Variants in FTCDNL1 observed in about 807,000 individuals in gnomAD.
FTCDNL1 encodes the protein formiminotransferase N-terminal subdomain-containing protein.
In FTCDNL1, 11 loss-of-function variants were observed where a neutral mutation model predicts 5.9. The observed-to-expected ratio is 1.87, with a 90% CI of 1.18 to 3.10. FTCDNL1 has a LOEUF of 3.10. FTCDNL1 is among the 30% of genes most tolerant of loss of function. The pLI, the probability that FTCDNL1 is intolerant of heterozygous loss-of-function variation, is 0.00. For missense variants in FTCDNL1, 115 were observed against 65.5 expected, an observed-to-expected ratio of 1.76 and a Z score of -2.61; for synonymous variants, 58 against 24.8, an observed-to-expected ratio of 2.34 and a Z score of -3.99.
chr2:199,723,012 T>C, the FTCDNL1 span, among the ~76,000 whole-genome samples: 1 of 152,102 alleles, frequency 6.6e-6, no homozygotes, highest in South Asian at 2.1e-4. Flanking sequence ...GTTTGTTACA[T>C]AGGTAAATGT....
chr2:199,703,802 G>A, the FTCDNL1 span, among the ~76,000 whole-genome samples: 2 of 151,974 alleles, frequency 1.3e-5, no homozygotes, highest in Non-Finnish European at 2.9e-5. Context: ...TCTTATTATT[G>A]TATGTATTTA....
the FTCDNL1 span, among the ~76,000 whole-genome samples, chr2:199,711,373 G>A: frequency 8.4e-5 from 12 of 143,434 alleles, no homozygotes; most frequent in East Asian, 2.2e-4. Context: ...TGAGGGGGCG[G>A]GGGGGGGATT....
chr2:199,831,585 A>T (rs1437246841), intron 3 of FTCDNL1, among the ~76,000 whole-genome samples: 1 of 152,214 alleles, frequency 6.6e-6, no homozygotes, highest in African/African-American at 2.4e-5. Flanking sequence ...TAATACAAAC[A>T]TACACAAGCA....
chr2:199,719,267 A>C, the FTCDNL1 span, among the ~76,000 whole-genome samples: 1 of 152,002 alleles, frequency 6.6e-6, no homozygotes, highest in Non-Finnish European at 1.5e-5. Context: ...TGGCAATCCA[A>C]TTTTCCCAGC....
At chr2:199,758,740 G>T (rs2106237456), downstream of FTCDNL1, among the ~76,000 whole-genome samples, 1 of 152,272 alleles carries the variant, frequency 6.6e-6, no homozygotes, top group East Asian at 1.9e-4. Context: ...TAGGAAATGG[G>T]GTAGGGGTTT....
the FTCDNL1 span, among the ~76,000 whole-genome samples, chr2:199,705,799 A>T: frequency 5.3e-5 from 8 of 152,208 alleles, no homozygotes; most frequent in African/African-American, 1.7e-4. Flanking sequence ...AGATGCACAA[A>T]AGATGTACTT....
intron 1 of FTCDNL1, among the ~76,000 whole-genome samples, chr2:199,850,444 C>T (rs1574718017): frequency 6.6e-6 from 1 of 152,232 alleles, no homozygotes; most frequent in African/African-American, 2.4e-5. Context: ...TTCATCCTCT[C>T]ATTCCACATT....
At chr2:199,672,185 C>T in the FTCDNL1 span, among the ~76,000 whole-genome samples, 3 of 152,186 alleles carry the variant, frequency 2.0e-5, no homozygotes, top group South Asian at 2.1e-4. Context: ...ATCCGTCTTC[C>T]TCCCAGGCAG....
intron 1 of FTCDNL1, among the ~76,000 whole-genome samples, chr2:199,850,157 C>A (rs2076837326): frequency 6.6e-6 from 1 of 152,216 alleles, no homozygotes; most frequent in Admixed American, 6.5e-5. Flanking sequence ...GTTTTCATAT[C>A]ATGTCCATCA....
At chr2:199,842,482 T>A (rs941318287) in intron 3 of FTCDNL1, among the ~76,000 whole-genome samples, 2 of 152,100 alleles carry the variant, frequency 1.3e-5, no homozygotes, top group African/African-American at 4.8e-5. Flanking sequence ...CAAACTAAAA[T>A]GATATGCAAA....
chr2:199,742,103 A>AT, the FTCDNL1 span, among the ~76,000 whole-genome samples: 22 of 150,988 alleles, frequency 1.5e-4, no homozygotes, highest in African/African-American at 5.4e-4. Context: ...CTCTGCCTCA[A>AT]TTTTTTTTTT....
the FTCDNL1 span, among the ~76,000 whole-genome samples, chr2:199,729,572 A>T: frequency 6.6e-6 from 1 of 152,242 alleles, no homozygotes; most frequent in African/African-American, 2.4e-5. Flanking sequence ...ACAAACAGAG[A>T]GCCAAATAAT....
chr2:199,746,664 C>T, the FTCDNL1 span, among the ~76,000 whole-genome samples: 1 of 151,546 alleles, frequency 6.6e-6, no homozygotes, highest in Admixed American at 6.6e-5. Flanking sequence ...GGGCTCAGGT[C>T]CTACTGAAGA....
the FTCDNL1 span, among the ~76,000 whole-genome samples, chr2:199,752,740 C>CTGTGTGTG: frequency 2.5e-3 from 76 of 30,700 alleles, no homozygotes; most frequent in African/African-American, 3.3e-3. Flanking sequence ...CTCTCTCTCT[C>CTGTGTGTG]TGTGTGTGTG....
chr2:199,826,957 G>C (rs1351495389), intron 3 of FTCDNL1, among the ~76,000 whole-genome samples: 1 of 152,172 alleles, frequency 6.6e-6, no homozygotes, highest in Admixed American at 6.5e-5. Context: ...CAATTTTTCA[G>C]CACCTAAAAA....
the FTCDNL1 span, among the ~76,000 whole-genome samples, chr2:199,681,041 T>C: frequency 6.6e-6 from 1 of 152,210 alleles, no homozygotes; most frequent in Non-Finnish European, 1.5e-5. Context: ...TGGCTTAGCG[T>C]CCAGAATTGC....
intron 3 of FTCDNL1, among the ~76,000 whole-genome samples, chr2:199,772,982 A>G (rs1306979455): frequency 6.6e-6 from 1 of 152,138 alleles, no homozygotes; most frequent in Non-Finnish European, 1.5e-5. Flanking sequence ...GCAGAAGTCA[A>G]CTGTTAACCT....
rs1053131413 is a variant in FTCDNL1, at chr2:199,851,165, C to T, written c.-433G>A. ...GCGCAGCCTCCGCCGCCGCGCGTGGCCCGCGCGCAGCGTCTGCCGCCGGCT... is the reference window on the plus strand; with the variant it reads ...GCGCAGCCTCCGCCGCCGCGCGTGGTCCGCGCGCAGCGTCTGCCGCCGGCT... On this transcript the variant is annotated 5_prime_UTR_variant, in exon 1 of 5. Transcript: ENST00000420128. 6.7e-6 allele frequency: 1 copy of T among 148,288 alleles called. No individual in the cohort carries two copies. Among genetic ancestry groups the T allele is most frequent in the Non-Finnish European group, 1.5e-5 (1 of 66,698 alleles). 9.2% of individuals were successfully genotyped at this position (148,288 alleles called of 1,614,324 possible).
chr2:199,679,613 G>T, the FTCDNL1 span, among the ~76,000 whole-genome samples: 1 of 151,592 alleles, frequency 6.6e-6, no homozygotes, highest in Non-Finnish European at 1.5e-5. Flanking sequence ...ATGGTGATTT[G>T]GAACATAGAC....
Sources: gnomAD v4.1 joint callset for allele counts (sites outside exome capture counted in the v4.1 genomes callset) on GRCh38, gnomAD v4.1.1 for gene constraint, MANE v1.5 for transcripts, NCBI Gene and HGNC (gene_info 2026-07-23, HGNC 2026-07-21) for gene names.